Variants in PRPS2 observed in about 807,000 individuals in gnomAD.
PRPS2 encodes the protein ribose-phosphate pyrophosphokinase 2.
For synonymous variants in PRPS2, 111 were observed against 115.3 expected (o/e 0.96, Z 0.24); for missense variants, 104 against 271.5 (o/e 0.38, Z 4.34).
At chrX:12,822,575 G>T (rs1039388906) in intron 6 of PRPS2, 129 bp from the exon 7 acceptor site, 2 of 620,948 alleles carry the variant, frequency 3.2e-6, no homozygotes, top group African/African-American at 4.4e-5. Context: ...AGTGTCGGAA[G>T]TTTTGATAGC....
chrX:12,815,115 T>C (rs1383102427), intron 4 of PRPS2, among the ~76,000 whole-genome samples: 1 of 112,820 alleles, frequency 8.9e-6, no homozygotes, highest in Admixed American at 9.4e-5. Context: ...GAGTTACCTA[T>C]AGCTTTTTCA....
intron 2 of PRPS2, among the ~76,000 whole-genome samples, chrX:12,800,968 A>G (rs995166603): frequency 8.9e-6 from 1 of 112,424 alleles, no homozygotes; most frequent in Non-Finnish European, 1.9e-5. Context: ...AATAGACAAT[A>G]TGTAAATGAA....
rs543842341 is a variant in PRPS2, at chrX:12,801,358, C to T, written c.306+1968C>T. On this transcript the variant is annotated intron_variant, in intron 2 of 6. Transcript: ENST00000380668. ...TCCTCCCACTAGCTATTTATACAGA[C>T]AGCTCCTTTTATTTTAAACTTGATT... is the stretch of plus-strand genomic sequence containing the variant. Among the ~76,000 whole-genome samples, 112 of 111,453 alleles carry T rather than the reference C, an allele frequency of 1.0e-3. 1 individual carries two copies. Among genetic ancestry groups the T allele is most frequent in the Non-Finnish European group, 1.3e-3 (70 of 53,088 alleles).
chrX:12,802,032 C>T (rs1266917598), intron 2 of PRPS2, among the ~76,000 whole-genome samples: 1 of 112,316 alleles, frequency 8.9e-6, no homozygotes, highest in African/African-American at 3.2e-5. Flanking sequence ...TTGCACATGC[C>T]CTCCTCCACT....
In PRPS2 at chrX:12,819,494, G is replaced by C. The variant is rs1357254789; in HGVS notation, c.531-13G>C. 1 of 1,202,866 alleles carries C rather than the reference G, an allele frequency of 8.3e-7. No homozygotes were observed. The highest frequency in any genetic ancestry group is 2.2e-5 in the Admixed American group (1 of 45,355). On this transcript the variant is annotated splice_polypyrimidine_tract_variant and intron_variant, in intron 4 of 6. Transcript: ENST00000380668. Reference sequence around the variant, plus strand: ...GTTGACTGTATGAACATGTTCATTTGTGCCTTTGCCAGGGTTACATCAATT... The same window carrying C: ...GTTGACTGTATGAACATGTTCATTTCTGCCTTTGCCAGGGTTACATCAATT...
At chrX:12,798,508 GA>G (rs199633072) in intron 1 of PRPS2, among the ~76,000 whole-genome samples, 15,322 of 112,042 alleles carry the variant, frequency 0.14, 812 homozygotes, top group Non-Finnish European at 0.17. Context: ...ACCCTATCAA[GA>G]GTTGAAATTG....
chrX:12,802,136 C>G (rs1175974738), intron 2 of PRPS2, among the ~76,000 whole-genome samples: 1 of 111,893 alleles, frequency 8.9e-6, no homozygotes, highest in African/African-American at 3.2e-5. Flanking sequence ...GCGGTGACCT[C>G]TTTTTACAAA....
intron 2 of PRPS2, among the ~76,000 whole-genome samples, chrX:12,800,243 C>T (rs962627749): frequency 9.0e-6 from 1 of 111,691 alleles, no homozygotes; most frequent in Non-Finnish European, 1.9e-5. Context: ...GCTGCTTCCT[C>T]GCTTCTTCCA....
rs762390508 is a variant in PRPS2 at position 12,798,358 on chromosome X, T to C, written c.123-849T>C. On this transcript the variant is annotated intron_variant, in intron 1 of 6. Transcript: ENST00000380668. ...ATGATGGCGAGATGGGAAGTTTACA[T>C]TGCAAGTGATGGAACTGAATGGAAA... is the stretch of plus-strand genomic sequence containing the variant. 6.0e-4 allele frequency among the ~76,000 whole-genome samples: 67 copies of C among 112,313 alleles called. 1 individual carries two copies. Among genetic ancestry groups the C allele is most frequent in the Non-Finnish European group, 1.7e-4 (9 of 53,279 alleles).
chrX:12,799,969 C>T (rs1490952439), intron 2 of PRPS2, among the ~76,000 whole-genome samples: 2 of 111,775 alleles, frequency 1.8e-5, no homozygotes, highest in Non-Finnish European at 1.9e-5. Context: ...TTTTTCACAA[C>T]ATTAGCATCA....
intron 2 of PRPS2, among the ~76,000 whole-genome samples, chrX:12,803,444 C>T (rs994051966): frequency 8.9e-6 from 1 of 112,438 alleles, no homozygotes; most frequent in African/African-American, 3.2e-5. Context: ...CACACCACCA[C>T]GCCTGGCTAA....
intron 2 of PRPS2, among the ~76,000 whole-genome samples, chrX:12,807,927 G>A (rs1270093578): frequency 1.1e-5 from 1 of 92,079 alleles, no homozygotes. Context: ...GAGTGCAGTA[G>A]TGCCATCTCG....
At chrX:12,800,060 A>C (rs2042562154) in intron 2 of PRPS2, among the ~76,000 whole-genome samples, 1 of 112,354 alleles carries the variant, frequency 8.9e-6, no homozygotes, top group East Asian at 2.8e-4. Flanking sequence ...GAGAAATCGG[A>C]GGTTGAGAAG....
chrX:12,805,640 G>A (rs773377390), intron 2 of PRPS2, among the ~76,000 whole-genome samples: 9 of 112,195 alleles, frequency 8.0e-5, no homozygotes, highest in Admixed American at 2.8e-4. Context: ...TTTTTCAACC[G>A]TTTAAAGACG....
At position 12,820,686 on chromosome X, in the gene PRPS2, C is replaced by G; in HGVS notation, c.747C>G (p.Thr249=). 2.5e-6 allele frequency: 3 copies of G among 1,211,172 alleles called. No individual in the cohort carries two copies. Among genetic ancestry groups the G allele is most frequent in the Non-Finnish European group, 3.4e-6 (3 of 895,209 alleles). ...CCACCAAAGTGTATGCTATCCTTACCCATGGGATCTTCTCTGGACCAGCTA... is the reference window on the plus strand; with the variant it reads ...CCACCAAAGTGTATGCTATCCTTACGCATGGGATCTTCTCTGGACCAGCTA... ...AGATKVYAIL[T]HGIFSGPAIS... Residue 249 remains threonine, a synonymous_variant, in exon 6 of 7, where the codon ACC becomes ACG. Coordinates refer to ENST00000380668, the MANE Select transcript of PRPS2 (RefSeq NM_002765.5).
chrX:12,791,433 G>A lies in PRPS2; in HGVS notation c.-65G>A, dbSNP rs183710161. ...TCCCGCAGCAGCAGCCTCCCGCGTC[G>A]CTGTCGCTGTTGCCTCCGCCACCTC... On this transcript the variant is annotated 5_prime_UTR_variant, in exon 1 of 7. Coordinates refer to ENST00000380668, the MANE Select transcript of PRPS2 (RefSeq NM_002765.5). 1.7e-6 allele frequency: 2 copies of A among 1,146,468 alleles called. No homozygotes were observed. The highest frequency in any genetic ancestry group is 2.3e-6 in the Non-Finnish European group (2 of 859,186). 94.5% of individuals were successfully genotyped at this position (1,146,468 alleles called of 1,213,427 possible).
intron 4 of PRPS2, among the ~76,000 whole-genome samples, chrX:12,813,495 T>A (rs927429521): frequency 1.4e-4 from 16 of 112,428 alleles, no homozygotes; most frequent in Non-Finnish European, 1.1e-4. Flanking sequence ...AGTGCCAAAA[T>A]ATGGTCTTTT....
Position 12,802,913 on chromosome X carries a change from C to T in PRPS2, c.306+3523C>T, listed in dbSNP as rs1460326739. 4.5e-5 allele frequency among the ~76,000 whole-genome samples: 5 copies of T among 111,672 alleles called. No homozygotes were observed. The Admixed American group carries it at 4.7e-4, about 11-fold the overall frequency. On this transcript the variant is annotated intron_variant, in intron 2 of 6. Coordinates refer to ENST00000380668, the MANE Select transcript of PRPS2 (RefSeq NM_002765.5). ...CATCATCAACCACGCAGAGGCAGGG[C>T]GGTTGGTAACATTTGAGAGACAGTG...
intron 6 of PRPS2, among the ~76,000 whole-genome samples, chrX:12,822,173 C>A (rs1315034236): frequency 9.8e-5 from 11 of 111,916 alleles, no homozygotes; most frequent in Non-Finnish European, 2.1e-4. Context: ...AGAGCACAGC[C>A]ACGTCCATTC....
Sources: allele counts gnomAD v4.1 joint callset (sites outside exome capture counted in the v4.1 genomes callset), GRCh38; gene constraint gnomAD v4.1.1; transcripts MANE v1.5; gene names NCBI Gene and HGNC (gene_info 2026-07-23, HGNC 2026-07-21).